Variants in HPSE2 observed in about 807,000 individuals in gnomAD.
The protein encoded by HPSE2 is inactive heparanase-2.
In HPSE2, 38 loss-of-function variants were observed where a neutral mutation model predicts 60.5. The observed-to-expected ratio is 0.63, with a 90% CI of 0.48 to 0.82. The LOEUF is 0.82. Among genes scored for constraint, HPSE2 ranks in the 40% least tolerant of loss-of-function variants. The probability of loss-of-function intolerance (pLI) is 0.00; values close to 1 mark genes in which losing one functional copy is unlikely to be tolerated. For synonymous variants in HPSE2, 295 were observed against 293.2 expected (o/e 1.01, Z -0.06); for missense variants, 713 against 740.4 (o/e 0.96, Z 0.43).
intron 3 of HPSE2, among the ~76,000 whole-genome samples, chr10:99,010,776 C>T (rs910204486): frequency 5.3e-5 from 8 of 152,062 alleles, no homozygotes; most frequent in Admixed American, 1.3e-4. Flanking sequence ...GTCAAATACT[C>T]GAGAATAGAC....
chr10:98,688,470 T>C (rs1197908190), intron 6 of HPSE2, among the ~76,000 whole-genome samples: 3 of 126,868 alleles, frequency 2.4e-5, no homozygotes, highest in Admixed American at 8.5e-5. Flanking sequence ...CATTTCTTTT[T>C]TTTTTTCTTT....
At chr10:98,534,030 G>A (rs1943207431) in intron 9 of HPSE2, among the ~76,000 whole-genome samples, 1 of 152,080 alleles carries the variant, frequency 6.6e-6, no homozygotes. Flanking sequence ...AGCCTTTCAG[G>A]ACAATAAGAA....
intron 3 of HPSE2, among the ~76,000 whole-genome samples, chr10:98,924,256 T>G (rs1453326755): frequency 6.6e-6 from 1 of 152,132 alleles, no homozygotes; most frequent in East Asian, 1.9e-4. Context: ...CACCTGGAAC[T>G]GGGGGGTGTA....
At chr10:98,771,415 T>G (rs1950238111) in intron 3 of HPSE2, among the ~76,000 whole-genome samples, 1 of 152,080 alleles carries the variant, frequency 6.6e-6, no homozygotes, top group South Asian at 2.1e-4. Context: ...CCTTCCCTAA[T>G]AAGAGGTAGC....
At chr10:99,131,132 C>A (rs1157718316) in intron 3 of HPSE2, among the ~76,000 whole-genome samples, 2 of 152,142 alleles carry the variant, frequency 1.3e-5, no homozygotes, top group Non-Finnish European at 2.9e-5. Context: ...CTGAGGAAAT[C>A]CAGCATCCCT....
chr10:98,673,715 T>G (rs986561321), intron 6 of HPSE2, among the ~76,000 whole-genome samples: 1 of 152,122 alleles, frequency 6.6e-6, no homozygotes, highest in Non-Finnish European at 1.5e-5. Flanking sequence ...TTTTTTTTTC[T>G]GTAAAACAGA....
intron 8 of HPSE2, among the ~76,000 whole-genome samples, chr10:98,615,576 C>A (rs919096173): frequency 6.6e-6 from 1 of 152,186 alleles, no homozygotes; most frequent in Admixed American, 6.5e-5. Flanking sequence ...CTATAAGTAA[C>A]TATTCAGGGA....
rs958538689 is a variant in HPSE2, at chr10:98,668,652, G to A, written c.1004+25248C>T. On this transcript the variant is annotated intron_variant, in intron 6 of 11. Coordinates refer to ENST00000370552, the MANE Select transcript of HPSE2 (RefSeq NM_021828.5). ...AATGAACTTGACAAAAATAAGCAAT[G>A]TAGAAACGACTTCCTATTCAATCAA... Among the ~76,000 whole-genome samples the A allele has an allele frequency of 6.6e-5, 10 of 152,248 alleles. 1 individual carries two copies. Among genetic ancestry groups the A allele is most frequent in the African/African-American group, 2.4e-4 (10 of 41,552 alleles).
At chr10:98,671,671 G>C (rs997096315) in intron 6 of HPSE2, among the ~76,000 whole-genome samples, 2 of 152,104 alleles carry the variant, frequency 1.3e-5, no homozygotes, top group African/African-American at 4.8e-5. Flanking sequence ...AGTTTCAAAG[G>C]GTGATAAAGG....
chr10:99,164,313 ATTTC>A (rs1846979248), intron 2 of HPSE2, among the ~76,000 whole-genome samples: 1 of 125,932 alleles, frequency 7.9e-6, no homozygotes, highest in Admixed American at 8.8e-5. Flanking sequence ...ATTAAGCCAC[ATTTC>A]TTTATTTTGT....
intron 7 of HPSE2, among the ~76,000 whole-genome samples, chr10:98,635,643 G>A (rs1387578553): frequency 6.6e-6 from 1 of 152,148 alleles, no homozygotes; most frequent in African/African-American, 2.4e-5. Context: ...TTAGCCAGGT[G>A]TGGTAGCGTG....
chr10:99,243,537 T>C, the HPSE2 span, among the ~76,000 whole-genome samples: 7 of 152,306 alleles, frequency 4.6e-5, no homozygotes, highest in South Asian at 2.1e-4. Context: ...TAACTATGTA[T>C]GTATGTATAA....
At chr10:99,098,728 A>G (rs1245171864) in intron 3 of HPSE2, among the ~76,000 whole-genome samples, 1 of 152,196 alleles carries the variant, frequency 6.6e-6, no homozygotes, top group Non-Finnish European at 1.5e-5. Context: ...AAGTCACAGA[A>G]TCAGCTTCAC....
At chr10:98,676,062 C>G (rs1240492951) in intron 6 of HPSE2, among the ~76,000 whole-genome samples, 2 of 151,582 alleles carry the variant, frequency 1.3e-5, no homozygotes, top group Non-Finnish European at 2.9e-5. Flanking sequence ...GAAGTGAGGG[C>G]TAAACCCTTT....
chr10:98,495,770 T>C (rs1321421113), intron 9 of HPSE2, among the ~76,000 whole-genome samples: 2 of 152,182 alleles, frequency 1.3e-5, no homozygotes, highest in African/African-American at 2.4e-5. Flanking sequence ...ATTTTGTTTA[T>C]ACATCATTTT....
intron 2 of HPSE2, among the ~76,000 whole-genome samples, chr10:99,156,277 G>C (rs958778468): frequency 1.7e-5 from 2 of 120,202 alleles, no homozygotes; most frequent in African/African-American, 5.4e-5. Context: ...TGATACCAAA[G>C]CCGGGCAGAG....
the HPSE2 span, among the ~76,000 whole-genome samples, chr10:99,271,250 C>A: frequency 1.2e-4 from 18 of 152,212 alleles, no homozygotes; most frequent in East Asian, 2.5e-3. Flanking sequence ...AAGACTCATC[C>A]AAAAAGCTCC....
chr10:99,144,285 A>C lies in HPSE2; in HGVS notation c.563T>G (p.Leu188Arg). ...REKAAQMHLV[L>R]LKEQFSNTYS... ...AGTATTGGAGAATTGCTCCTTTAGA[A>C]GAACCAGATGCATCTGAGCTGCCTT... is the stretch of plus-strand genomic sequence containing the variant. Residue 188 changes from leucine (L) to arginine (R), a missense_variant, in exon 3 of 12, where the codon CTT (leucine) becomes CGT (arginine). Leu to Arg is a moderately radical substitution (Grantham distance 102). Transcript: ENST00000370552. 2 of 1,614,136 alleles carry C rather than the reference A, an allele frequency of 1.2e-6. No individual in the cohort carries two copies. The highest frequency in any genetic ancestry group is 1.7e-6 in the Non-Finnish European group (2 of 1,180,014).
intron 3 of HPSE2, among the ~76,000 whole-genome samples, chr10:98,866,467 A>G (rs1220696828): frequency 6.6e-6 from 1 of 152,128 alleles, no homozygotes; most frequent in African/African-American, 2.4e-5. Flanking sequence ...ATTATGGCAG[A>G]CAACTTTCCA....
Sources: allele counts gnomAD v4.1 joint callset (sites outside exome capture counted in the v4.1 genomes callset), GRCh38; gene constraint gnomAD v4.1.1; transcripts MANE v1.5; gene names NCBI Gene and HGNC (gene_info 2026-07-23, HGNC 2026-07-21).